The following HPGD variants were observed in gnomAD, a reference collection of about 807,000 sequenced individuals.
The protein encoded by HPGD is 15-hydroxyprostaglandin dehydrogenase [NAD(+)].
In HPGD, 29 loss-of-function variants were observed where a neutral mutation model predicts 30.0. The observed-to-expected ratio is 0.97, with a 90% CI of 0.72 to 1.32. The LOEUF (loss-of-function observed/expected upper bound fraction) is 1.32, where lower values mean the gene tolerates loss of function less well. Among genes scored for constraint, HPGD ranks in the 40% most tolerant of loss-of-function variants. The pLI, the probability that HPGD is intolerant of heterozygous loss-of-function variation, is 0.00. For synonymous variants in HPGD, 99 were observed against 112.4 expected, an observed-to-expected ratio of 0.88 and a Z score of 0.75; for missense variants, 340 against 322.1, an observed-to-expected ratio of 1.06 and a Z score of -0.43.
At chr4:174,497,137 A>C in intron 4 of HPGD, among the ~76,000 whole-genome samples, 1 of 152,188 alleles carries the variant, frequency 6.6e-6, no homozygotes, top group South Asian at 2.1e-4. Flanking sequence ...TATGAGACAA[A>C]GGCAGTGGTT....
rs34299544 is a variant in HPGD, at chr4:174,493,127, G to C, written c.662+24C>G. ...TAATGCTTTGCTTCATCATTTAAAA[G>C]AAAATAGACATAGTTTTACTTACTC... On this transcript the variant is annotated intron_variant, in intron 6 of 6. Coordinates refer to ENST00000296522, the MANE Select transcript of HPGD (RefSeq NM_000860.6). 0.17 allele frequency: 253,293 copies of C among 1,523,628 alleles called. 25,249 individuals carry two copies. The highest frequency in any genetic ancestry group is 0.51 in the East Asian group (22,235 of 43,362). 94.4% of individuals were successfully genotyped at this position (1,523,628 alleles called of 1,614,324 possible).
At chr4:174,518,770 G>A (rs1735923165) in intron 2 of HPGD, among the ~76,000 whole-genome samples, 1 of 152,124 alleles carries the variant, frequency 6.6e-6, no homozygotes, top group Admixed American at 6.5e-5. Context: ...AAGTTGGCAT[G>A]GATTCTGAGG....
chr4:174,519,175 G>A (rs940317989), intron 2 of HPGD, among the ~76,000 whole-genome samples: 13 of 151,860 alleles, frequency 8.6e-5, no homozygotes, highest in East Asian at 1.9e-4. Flanking sequence ...CTCACTGTAC[G>A]GGAATGGAAG....
At chr4:174,495,683 C>T (rs774478152) in intron 4 of HPGD, 59 bp from the exon 5 acceptor site, 91 of 1,126,246 alleles carry the variant, frequency 8.1e-5, no homozygotes, top group Non-Finnish European at 1.2e-4. Flanking sequence ...AGACTATACC[C>T]AGTAATGAAA....
chr4:174,506,887 T>C (rs1044042473), intron 4 of HPGD: 1 of 152,208 alleles, frequency 6.6e-6, no homozygotes, highest in Admixed American at 6.5e-5. Context: ...TCCAGTGACA[T>C]AAAGGCCAGG....
chr4:174,495,001 T>C (rs184294802), intron 5 of HPGD, among the ~76,000 whole-genome samples: 14 of 152,218 alleles, frequency 9.2e-5, no homozygotes, highest in African/African-American at 2.6e-4. Flanking sequence ...CTTTTGTGAG[T>C]TATAAAAAGG....
Position 174,492,017 on chromosome 4 carries a change from G to T in HPGD, c.740C>A (p.Thr247Asn), listed in dbSNP as rs761717265. 1.9e-6 allele frequency: 3 copies of T among 1,609,910 alleles called. No individual in the cohort carries two copies. The Admixed American group carries it at 5.0e-5, about 27-fold the overall frequency. The stretch of plus-strand genomic sequence containing the variant: ...GTCTTGAAAATGAATTCCCTTAGAA[G>T]TTGTGATCTTCATAATAGCACCATT... ...ALNGAIMKITTSKGIHFQDYD... is the reference protein window; with the variant it reads ...ALNGAIMKITNSKGIHFQDYD... Residue 247 changes from threonine to asparagine, a missense_variant, in exon 7 of 7, where the codon ACT becomes AAT. By Grantham distance (65) the Thr-to-Asn change is moderately conservative (BLOSUM62 0). Coordinates refer to ENST00000296522, the MANE Select transcript of HPGD (RefSeq NM_000860.6). This position sits in a 1 kb window ranked among gnomAD's most constrained non-coding sequence, Gnocchi z 4.9.
At position 174,491,745 on chromosome 4, in the gene HPGD, C is replaced by A; in HGVS notation, c.*211G>T. The A allele has an allele frequency of 1.9e-6, 1 of 528,982 alleles. No individual in the cohort carries two copies. Among genetic ancestry groups the A allele is most frequent in the Non-Finnish European group, 3.4e-6 (1 of 294,596 alleles). The allele number at this position is 528,982 out of a possible 1,614,324, so 32.8% of individuals were successfully genotyped here. On this transcript the variant is annotated 3_prime_UTR_variant, in exon 7 of 7. Coordinates refer to ENST00000296522, the MANE Select transcript of HPGD (RefSeq NM_000860.6). Reference sequence around the variant, plus strand: ...ATCATTTTTTAGACTATCAAGATTACAACCTAGCCTTTGGTCCACATCACA... The same window carrying A: ...ATCATTTTTTAGACTATCAAGATTAAAACCTAGCCTTTGGTCCACATCACA...
Position 174,508,729 on chromosome 4 carries a change from C to A in HPGD, c.388G>T (p.Gly130Cys). ...GATGACATATTGATAATGATGCCGC[C>A]TTCACCTCCATTTTGCTTACTCATG... ...DYMSKQNGGE[G>C]GIIINMSSLA... Residue 130 changes from glycine to cysteine, a missense_variant, in exon 4 of 7, where the codon GGC (glycine) becomes TGC (cysteine). Gly to Cys is a radical substitution (Grantham distance 159). Transcript: ENST00000296522. 1 of 1,610,510 alleles carries A rather than the reference C, an allele frequency of 6.2e-7. No individual in the cohort carries two copies. The highest frequency in any genetic ancestry group is 1.3e-5 in the African/African-American group (1 of 74,950).
chr4:174,509,954 ATTTCAAACCTTACT>A (rs1002375779), intron 3 of HPGD, among the ~76,000 whole-genome samples: 2 of 151,524 alleles, frequency 1.3e-5, no homozygotes, highest in African/African-American at 4.9e-5. Context: ...TCAAATTGAT[ATTTCAAACCTTACT>A]TTTCCTTTTG....
chr4:174,500,550 A>C (rs1439991915), intron 4 of HPGD, among the ~76,000 whole-genome samples: 1 of 152,238 alleles, frequency 6.6e-6, no homozygotes, highest in East Asian at 1.9e-4. Context: ...CAGATAATGG[A>C]ATAATATTCA....
chr4:174,501,000 C>G (rs1325381867), intron 4 of HPGD, among the ~76,000 whole-genome samples: 1 of 152,154 alleles, frequency 6.6e-6, no homozygotes, highest in African/African-American at 2.4e-5. Context: ...GGTTTGATTT[C>G]TGAACCTTGG....
chr4:174,501,293 A>G (rs1734888028), intron 4 of HPGD, among the ~76,000 whole-genome samples: 1 of 152,184 alleles, frequency 6.6e-6, no homozygotes, highest in Non-Finnish European at 1.5e-5. Flanking sequence ...ATTAGGGAGC[A>G]CATGGAAATA....
chr4:174,514,085 A>G (rs1205525646), intron 3 of HPGD, among the ~76,000 whole-genome samples: 1 of 152,136 alleles, frequency 6.6e-6, no homozygotes, highest in African/African-American at 2.4e-5. Flanking sequence ...AAAATTAAGG[A>G]TAGTACAATT....
intron 2 of HPGD, among the ~76,000 whole-genome samples, chr4:174,521,688 G>A (rs1736131742): frequency 6.6e-6 from 1 of 152,312 alleles, no homozygotes; most frequent in Non-Finnish European, 1.5e-5. Context: ...ATACATAAAG[G>A]AATTTTGATT....
Position 174,508,959 on chromosome 4 carries a change from G to A in HPGD, c.325-167C>T, listed in dbSNP as rs372920667. Among the ~76,000 whole-genome samples, 5 of 152,226 alleles carry A rather than the reference G, an allele frequency of 3.3e-5. No individual in the cohort carries two copies. The East Asian group carries it at 9.6e-4, about 29-fold the overall frequency. ...GTTTTTAAAGTTAGTCATTAAACCT[G>A]GATTCTTTGGGTTTGCCTAATCATT... On this transcript the variant is annotated intron_variant, in intron 3 of 6. Transcript: ENST00000296522.
intron 4 of HPGD, among the ~76,000 whole-genome samples, chr4:174,501,695 C>G (rs139670943): frequency 6.6e-6 from 1 of 151,782 alleles, no homozygotes; most frequent in Admixed American, 6.6e-5. Flanking sequence ...ATTAGACTGA[C>G]GAAATAATAT....
chr4:174,503,966 C>T (rs1350192081), intron 4 of HPGD, among the ~76,000 whole-genome samples: 1 of 152,124 alleles, frequency 6.6e-6, no homozygotes, highest in Non-Finnish European at 1.5e-5. Flanking sequence ...TCAAGTGATC[C>T]TCCTGCCTTG....
At chr4:174,499,719 A>G (rs1734811970) in intron 4 of HPGD, among the ~76,000 whole-genome samples, 1 of 152,158 alleles carries the variant, frequency 6.6e-6, no homozygotes, top group Non-Finnish European at 1.5e-5. Context: ...TAGCACAGCC[A>G]TGCTTTCCTT....
Sources: gnomAD v4.1 joint callset for allele counts (sites outside exome capture counted in the v4.1 genomes callset) on GRCh38, gnomAD v4.1.1 for gene constraint, Gnocchi (gnomAD v3.1) non-coding constraint, MANE v1.5 for transcripts, NCBI Gene and HGNC (gene_info 2026-07-23, HGNC 2026-07-21) for gene names.